RASSF8: variants seen among roughly 807,000 people sequenced by gnomAD.
RASSF8 encodes the protein Ras association domain family member 8.
Under a neutral mutation model 48.5 loss-of-function variants are expected in RASSF8, and 22 were observed. That is an observed-to-expected ratio of 0.45 (90% CI 0.32 to 0.65). The LOEUF is 0.65. Among genes scored for constraint, RASSF8 ranks in the 30% least tolerant of loss-of-function variants. The pLI is 0.03. For missense variants in RASSF8, 418 were observed against 489.2 expected (o/e 0.85, Z 1.37); for synonymous variants, 127 against 171.5 (o/e 0.74, Z 2.03).
rs572750680 is a variant in RASSF8, at chr12:26,004,228, A to G, written c.-109+9098A>G. Among the ~76,000 whole-genome samples, 6 of 152,348 alleles carry G rather than the reference A, an allele frequency of 3.9e-5. No individual in the cohort carries two copies. The South Asian group carries it at 6.2e-4, about 16-fold the overall frequency. On this transcript the variant is annotated intron_variant, in intron 2 of 5. Transcript: ENST00000689635. ...ACTGGACTATACACAGAATTGAATA[A>G]CAAGGGGCATATCACAGTCTCTAGG... is the stretch of plus-strand genomic sequence containing the variant.
intron 2 of RASSF8, among the ~76,000 whole-genome samples, chr12:26,036,341 G>T (rs1406395750): frequency 1.3e-5 from 2 of 151,976 alleles, no homozygotes; most frequent in African/African-American, 2.4e-5. Context: ...AAAAGAGAAG[G>T]CTTCTGTTTC....
At chr12:26,010,317 C>T (rs75287030) in intron 2 of RASSF8, among the ~76,000 whole-genome samples, 4 of 152,332 alleles carry the variant, frequency 2.6e-5, no homozygotes, top group Non-Finnish European at 5.9e-5. Context: ...GACTTGAGAG[C>T]AGCTGAAGTT....
At chr12:26,054,181 GACAA>G (rs1943552349) in intron 2 of RASSF8, among the ~76,000 whole-genome samples, 1 of 152,032 alleles carries the variant, frequency 6.6e-6, no homozygotes, top group Admixed American at 6.6e-5. Flanking sequence ...CAAAACAATG[GACAA>G]ACAAAAAATC....
At chr12:26,064,372 A>G in intron 3 of RASSF8, 126 bp from the exon 4 acceptor site, 1 of 892,508 alleles carries the variant, frequency 1.1e-6, no homozygotes, top group Non-Finnish European at 1.7e-6. Flanking sequence ...AAGGAACCTG[A>G]ACTAGACTCA....
chr12:25,961,294 T>G (rs4963945), intron 1 of RASSF8, among the ~76,000 whole-genome samples: 14,869 of 152,286 alleles, frequency 0.098, 775 homozygotes, highest in Middle Eastern at 0.15. Flanking sequence ...TATAAAACAT[T>G]AAGATCTTAG....
intron 5 of RASSF8, 53 bp from the exon 6 acceptor site, chr12:26,068,644 A>G: frequency 7.4e-7 from 1 of 1,355,568 alleles, no homozygotes; most frequent in Non-Finnish European, 1.0e-6. Flanking sequence ...TTATATTGCT[A>G]AGTACTCCAA....
At chr12:25,973,540 G>T (rs1445516017) in intron 1 of RASSF8, among the ~76,000 whole-genome samples, 1 of 152,178 alleles carries the variant, frequency 6.6e-6, no homozygotes, top group Non-Finnish European at 1.5e-5. Flanking sequence ...TTGTGAGACA[G>T]ACTGCCAGAC....
At chr12:26,038,402 T>C (rs1220436789) in intron 2 of RASSF8, among the ~76,000 whole-genome samples, 1 of 152,172 alleles carries the variant, frequency 6.6e-6, no homozygotes, top group Non-Finnish European at 1.5e-5. Context: ...ACTTTGTGTT[T>C]AGAACCTCAG....
intron 1 of RASSF8, among the ~76,000 whole-genome samples, chr12:25,976,298 G>A (rs1351872723): frequency 6.6e-6 from 1 of 152,244 alleles, no homozygotes; most frequent in Non-Finnish European, 1.5e-5. Flanking sequence ...GAAATTGGCT[G>A]TCTGCAACAA....
At chr12:26,053,584 G>A (rs899872940) in intron 2 of RASSF8, among the ~76,000 whole-genome samples, 6 of 148,850 alleles carry the variant, frequency 4.0e-5, no homozygotes, top group African/African-American at 1.5e-4. Flanking sequence ...AGCTGTAAAG[G>A]AACTTGTTTA....
At chr12:25,967,815 G>A (rs1385121759) in intron 1 of RASSF8, among the ~76,000 whole-genome samples, 1 of 152,208 alleles carries the variant, frequency 6.6e-6, no homozygotes, top group African/African-American at 2.4e-5. Flanking sequence ...GGGAGGACAG[G>A]CACTGACCCC....
intron 2 of RASSF8, among the ~76,000 whole-genome samples, chr12:26,030,477 A>T (rs947215809): frequency 6.6e-6 from 1 of 152,134 alleles, no homozygotes; most frequent in African/African-American, 2.4e-5. Flanking sequence ...GATGGATTCT[A>T]TTCCTTTTAT....
chr12:26,052,417 T>C (rs1943510197), intron 2 of RASSF8: 1 of 152,236 alleles, frequency 6.6e-6, no homozygotes, highest in Non-Finnish European at 1.5e-5. Flanking sequence ...AAAATAATAG[T>C]GATTTGCATC....
rs73282908 is a variant in RASSF8, at chr12:26,054,494, A to C, written c.-108-742A>C. Among the ~76,000 whole-genome samples the C allele has an allele frequency of 2.7e-3, 414 of 152,370 alleles. 3 individuals are homozygous for C. The highest frequency in any genetic ancestry group is 9.3e-3 in the African/African-American group (388 of 41,576). ...CCAGTTAAATGAGAAAAGGATAAAC[A>C]GTTCACACATGAGGAAACTGTTGGT... On this transcript the variant is annotated intron_variant, in intron 2 of 5. Coordinates refer to ENST00000689635, the MANE Select transcript of RASSF8 (RefSeq NM_001394098.1).
intron 2 of RASSF8, among the ~76,000 whole-genome samples, chr12:26,024,844 C>G (rs1459529360): frequency 6.6e-6 from 1 of 151,870 alleles, no homozygotes; most frequent in Non-Finnish European, 1.5e-5. Flanking sequence ...GTAGCCCCAG[C>G]TACTTGGGAG....
chr12:25,981,832 T>G (rs1405678750), intron 1 of RASSF8, among the ~76,000 whole-genome samples: 1 of 152,248 alleles, frequency 6.6e-6, no homozygotes, highest in Non-Finnish European at 1.5e-5. Flanking sequence ...TGATTATTTC[T>G]GTATTACAGC....
intron 2 of RASSF8, among the ~76,000 whole-genome samples, chr12:26,021,050 A>G (rs1196751064): frequency 6.6e-6 from 1 of 152,208 alleles, no homozygotes; most frequent in Non-Finnish European, 1.5e-5. Context: ...CTTTACTCCA[A>G]TTACTTCGAA....
Position 26,047,499 on chromosome 12 carries a change from G to C in RASSF8, c.-108-7737G>C, listed in dbSNP as rs189797657. Reference sequence around the variant, plus strand: ...ATTTCAGTTTTCTGAATAATCTAAAGTAGTTTTGTGCAAAGACTGGCTCTG... The same window carrying C: ...ATTTCAGTTTTCTGAATAATCTAAACTAGTTTTGTGCAAAGACTGGCTCTG... On this transcript the variant is annotated intron_variant, in intron 2 of 5. Transcript: ENST00000689635. Among the ~76,000 whole-genome samples the C allele has an allele frequency of 2.6e-5, 4 of 152,276 alleles. No individual in the cohort carries two copies. The East Asian group carries it at 7.7e-4, about 29-fold the overall frequency.
chr12:26,064,134 C>T (rs885208), intron 3 of RASSF8, among the ~76,000 whole-genome samples: 95,666 of 152,090 alleles, frequency 0.63, 30,438 homozygotes, highest in Non-Finnish European at 0.68. Context: ...TTTCACATGG[C>T]GATTCTGTTG....
Sources: gnomAD v4.1 joint callset for allele counts (sites outside exome capture counted in the v4.1 genomes callset) on GRCh38, gnomAD v4.1.1 for gene constraint, MANE v1.5 for transcripts, NCBI Gene and HGNC (gene_info 2026-07-23, HGNC 2026-07-21) for gene names.